EPB41L2: variants seen among roughly 807,000 people sequenced by gnomAD.
EPB41L2 encodes erythrocyte membrane protein band 4.1 like 2, also known as band 4.1-like protein 2.
EPB41L2 carries 43 observed loss-of-function variants against 113.0 expected under a neutral mutation model. The observed-to-expected ratio is 0.38, with a 90% CI of 0.30 to 0.49. The LOEUF (loss-of-function observed/expected upper bound fraction) is 0.49, where lower values mean the gene tolerates loss of function less well. EPB41L2 is among the 20% of genes least tolerant of loss of function. The pLI is 0.95. For missense variants in EPB41L2, 1,147 were observed against 1,223.4 expected, an observed-to-expected ratio of 0.94 and a Z score of 0.93; for synonymous variants, 442 against 436.7, an observed-to-expected ratio of 1.01 and a Z score of -0.15.
At chr6:130,950,679 TGAG>T (rs1409546623) in intron 3 of EPB41L2, among the ~76,000 whole-genome samples, 1 of 152,146 alleles carries the variant, frequency 6.6e-6, no homozygotes, top group African/African-American at 2.4e-5. Flanking sequence ...AGCAACTTTA[TGAG>T]GATAGAATAC....
At chr6:130,999,292 C>A (rs1783825476) in intron 1 of EPB41L2, among the ~76,000 whole-genome samples, 1 of 152,128 alleles carries the variant, frequency 6.6e-6, no homozygotes, top group Non-Finnish European at 1.5e-5. Context: ...TCTGTATGCA[C>A]CACAGCAACC....
At position 130,988,029 on chromosome 6, in the gene EPB41L2, T is replaced by C. The variant is rs544606168; in HGVS notation, c.-14-31530A>G. ...TACTCAGGAGGCTGAGGTGGAAAAG[T>C]TGCTTGCACCCAGGAGGTGGAAGCT... On this transcript the variant is annotated intron_variant, in intron 1 of 19. Coordinates refer to ENST00000337057, the MANE Select transcript of EPB41L2 (RefSeq NM_001431.4). 8.0e-4 allele frequency among the ~76,000 whole-genome samples: 122 copies of C among 151,992 alleles called. 1 individual carries two copies. The highest frequency in any genetic ancestry group is 1.3e-3 in the South Asian group (6 of 4,794).
chr6:131,003,029 A>T (rs927861329), intron 1 of EPB41L2, among the ~76,000 whole-genome samples: 2 of 152,210 alleles, frequency 1.3e-5, no homozygotes, highest in Admixed American at 6.5e-5. Context: ...TAGTAGTTTT[A>T]AGCAAGTTAT....
At chr6:130,952,036 C>T (rs944945593) in intron 3 of EPB41L2, among the ~76,000 whole-genome samples, 1 of 152,104 alleles carries the variant, frequency 6.6e-6, no homozygotes, top group Non-Finnish European at 1.5e-5. Flanking sequence ...TTTTTGGCTA[C>T]TGCAACATAA....
At chr6:131,051,668 G>C (rs1183789479) in intron 1 of EPB41L2, among the ~76,000 whole-genome samples, 1 of 152,126 alleles carries the variant, frequency 6.6e-6, no homozygotes, top group Non-Finnish European at 1.5e-5. Context: ...CTGAAGAATT[G>C]GAGGTTCCAG....
intron 12 of EPB41L2, chr6:130,880,510 C>A: frequency 3.1e-6 from 2 of 635,118 alleles, no homozygotes; most frequent in Non-Finnish European, 5.6e-6. Context: ...ACACAGCAAA[C>A]GGCCAGAAAG....
chr6:130,890,557 T>C, intron 10 of EPB41L2, 91 bp from the exon 11 acceptor site: 3 of 1,378,200 alleles, frequency 2.2e-6, no homozygotes, highest in Admixed American at 2.6e-5. Context: ...TAAAGCTATG[T>C]ACTTTCATAT....
intron 1 of EPB41L2, among the ~76,000 whole-genome samples, chr6:131,015,644 A>T (rs1788019365): frequency 6.6e-6 from 1 of 152,164 alleles, no homozygotes. Context: ...ACAAAACTGG[A>T]CTCTTCTAAA....
chr6:130,862,971 T>TA (rs893320314), intron 18 of EPB41L2, among the ~76,000 whole-genome samples: 2 of 152,164 alleles, frequency 1.3e-5, no homozygotes, highest in African/African-American at 4.8e-5. Context: ...AAATCACTTT[T>TA]AAAAAAATTG....
At chr6:131,023,327 T>C (rs1234422592) in intron 1 of EPB41L2, among the ~76,000 whole-genome samples, 2 of 152,224 alleles carry the variant, frequency 1.3e-5, no homozygotes, top group Non-Finnish European at 2.9e-5. Context: ...TTTTCCTGTG[T>C]TGTCCTTCAT....
intron 1 of EPB41L2, among the ~76,000 whole-genome samples, chr6:131,016,011 T>C (rs1461166468): frequency 2.0e-5 from 3 of 152,228 alleles, no homozygotes; most frequent in Non-Finnish European, 2.9e-5. Flanking sequence ...TTCTTGAAGA[T>C]AGGTTCCAGC....
chr6:130,960,794 T>C (rs991883935), intron 1 of EPB41L2, among the ~76,000 whole-genome samples: 1 of 152,240 alleles, frequency 6.6e-6, no homozygotes, highest in African/African-American at 2.4e-5. Context: ...CCTGAGTTTC[T>C]TTCATATGTG....
chr6:130,894,560 T>C lies in EPB41L2; in HGVS notation c.1390-119A>G, dbSNP rs143750772. The C allele has an allele frequency of 3.0e-5, 25 of 822,636 alleles. No individual in the cohort carries two copies. In the African/African-American group the frequency reaches 3.8e-4, roughly 12 times the overall value. The allele number at this position is 822,636 out of a possible 1,614,324, so 51.0% of individuals were successfully genotyped here. ...AATTATTCTTCTCAAAAAAGGTAAA[T>C]ATTGCATATCTAATATAATCATATA... On this transcript the variant is annotated intron_variant, in intron 9 of 19. Transcript: ENST00000337057.
intron 4 of EPB41L2, among the ~76,000 whole-genome samples, chr6:130,913,612 A>G (rs1250612791): frequency 1.3e-5 from 2 of 152,182 alleles, no homozygotes; most frequent in Non-Finnish European, 2.9e-5. Flanking sequence ...ATCTTAAATG[A>G]TCACGTTATA....
chr6:131,014,367 A>G (rs982182278), intron 1 of EPB41L2, among the ~76,000 whole-genome samples: 9 of 152,164 alleles, frequency 5.9e-5, no homozygotes, highest in African/African-American at 2.2e-4. Context: ...CCCTTTAAAA[A>G]CCAGGAATCC....
chr6:130,865,342 C>T (rs1377398388), intron 17 of EPB41L2, among the ~76,000 whole-genome samples, 194 bp downstream of exon 17: 1 of 152,174 alleles, frequency 6.6e-6, no homozygotes, highest in East Asian at 1.9e-4. Flanking sequence ...TTGTACTTCA[C>T]AAAATTGCAA....
chr6:130,940,918 T>C (rs1165182493), intron 3 of EPB41L2, among the ~76,000 whole-genome samples: 2 of 152,218 alleles, frequency 1.3e-5, no homozygotes, highest in Admixed American at 1.3e-4. Context: ...CATATGTTTA[T>C]GTATGTGGAT....
chr6:130,972,695 C>T (rs1029447547), intron 1 of EPB41L2, among the ~76,000 whole-genome samples: 1 of 152,122 alleles, frequency 6.6e-6, no homozygotes, highest in Non-Finnish European at 1.5e-5. Flanking sequence ...CATTCACCTA[C>T]AGCAAAGTCT....
At chr6:130,926,780 A>G in intron 3 of EPB41L2, 71 bp from the exon 4 acceptor site, 1 of 831,314 alleles carries the variant, frequency 1.2e-6, no homozygotes, top group Non-Finnish European at 1.9e-6. Flanking sequence ...TTAAGACATC[A>G]TATCAGATAC....
Sources: gnomAD v4.1 joint callset for allele counts (sites outside exome capture counted in the v4.1 genomes callset) on GRCh38, gnomAD v4.1.1 for gene constraint, MANE v1.5 for transcripts, NCBI Gene and HGNC (gene_info 2026-07-23, HGNC 2026-07-21) for gene names.